Variants in ZNF761 observed in about 807,000 individuals in gnomAD.
The protein encoded by ZNF761 is zinc finger protein 761.
ZNF761 carries 43 observed loss-of-function variants against 59.9 expected under a neutral mutation model. The observed-to-expected ratio is 0.72, with a 90% CI of 0.56 to 0.92. The LOEUF (loss-of-function observed/expected upper bound fraction) is 0.92. Ranked by LOEUF, ZNF761 falls within the 40% of genes least tolerant of loss-of-function variation. The probability of loss-of-function intolerance (pLI) is 0.00; values close to 1 mark genes in which losing one functional copy is unlikely to be tolerated. For missense variants in ZNF761, 850 were observed against 906.1 expected, an observed-to-expected ratio of 0.94 and a Z score of 0.79; for synonymous variants, 294 against 304.8, an observed-to-expected ratio of 0.96 and a Z score of 0.37.
intron 1 of ZNF761, chr19:53,442,928 A>G (rs114187258): frequency 0.01 from 3,736 of 360,520 alleles, 102 homozygotes; most frequent in African/African-American, 0.069. Flanking sequence ...GTCACATCCT[A>G]TAATCAGCTC....
chr19:53,445,515 C>T (rs148249145), intron 1 of ZNF761, among the ~76,000 whole-genome samples: 2,915 of 152,094 alleles, frequency 0.019, 96 homozygotes, highest in East Asian at 0.14. Context: ...CAGTGAGCCT[C>T]CCTGCAACTT....
In ZNF761 at chr19:53,457,057, C is replaced by T; in HGVS notation, c.*309C>T. On this transcript the variant is annotated 3_prime_UTR_variant, in exon 5 of 5. Coordinates refer to ENST00000684525, the MANE Select transcript of ZNF761 (RefSeq NM_001289951.2). ...CTGGCACAACATGCTAGAATTCACA[C>T]TGGAGAGAAACCTTACCAGTGTAAT... is the stretch of plus-strand genomic sequence containing the variant. The T allele has an allele frequency of 1.6e-6, 1 of 631,154 alleles. No individual in the cohort carries two copies. The highest frequency in any genetic ancestry group is 2.8e-6 in the Non-Finnish European group (1 of 360,072). 39.1% of individuals were successfully genotyped at this position (631,154 alleles called of 1,614,324 possible).
chr19:53,443,765 A>G (rs970619362), intron 1 of ZNF761: 1 of 151,912 alleles, frequency 6.6e-6, no homozygotes, highest in African/African-American at 2.4e-5. Context: ...CATCCAAGCC[A>G]CAAGGGGTTT....
intron 4 of ZNF761, chr19:53,450,211 G>GCAAATCACCTGAGGTC (rs2086208362): frequency 5.4e-6 from 1 of 183,504 alleles, no homozygotes; most frequent in African/African-American, 2.4e-5. Context: ...GCTGAAGCAG[G>GCAAATCACCTGAGGTC]AGGATCACAT....
At chr19:53,452,806 A>G (rs1201351522) in intron 4 of ZNF761, among the ~76,000 whole-genome samples, 1 of 152,218 alleles carries the variant, frequency 6.6e-6, no homozygotes, top group Non-Finnish European at 1.5e-5. Flanking sequence ...ACGAGTAGTC[A>G]ACACCCGTGA....
At position 53,454,909 on chromosome 19, in the gene ZNF761, G is replaced by A; in HGVS notation, c.402G>A (p.Lys134=). 1 of 1,614,142 alleles carries A rather than the reference G, an allele frequency of 6.2e-7. No homozygotes were observed. Among genetic ancestry groups the A allele is most frequent in the Non-Finnish European group, 8.5e-7 (1 of 1,180,024 alleles). ...ERYDQSHARN[K]PIKDQLGSSF... ...ATGATCAAAGTCATGCTAGAAACAA[G>A]CCTATTAAAGATCAGCTTGGATCAA... Residue 134 remains lysine (K), a synonymous_variant, in exon 5 of 5, where the codon AAG becomes AAA. Transcript: ENST00000684525.
At chr19:53,450,826 A>G (rs1373269665) in intron 4 of ZNF761, among the ~76,000 whole-genome samples, 1 of 151,968 alleles carries the variant, frequency 6.6e-6, no homozygotes, top group African/African-American at 2.4e-5. Flanking sequence ...GCGAAACTCC[A>G]TCTCTACTAA....
intron 1 of ZNF761, among the ~76,000 whole-genome samples, chr19:53,440,239 A>G (rs112133115): frequency 0.014 from 2,122 of 152,224 alleles, 52 homozygotes; most frequent in African/African-American, 0.049. Context: ...CAAGGCAGGA[A>G]GATCACTTGA....
chr19:53,440,645 A>G (rs999052767), intron 1 of ZNF761, among the ~76,000 whole-genome samples: 2 of 151,858 alleles, frequency 1.3e-5, no homozygotes, highest in Non-Finnish European at 2.9e-5. Context: ...AAAAAAATCT[A>G]TTTCTGTTAT....
At chr19:53,436,826 A>G (rs1208595720) in intron 1 of ZNF761, among the ~76,000 whole-genome samples, 1 of 152,154 alleles carries the variant, frequency 6.6e-6, no homozygotes, top group East Asian at 1.9e-4. Context: ...AAAAGGTGCA[A>G]ATAAGCAATA....
intron 1 of ZNF761, among the ~76,000 whole-genome samples, chr19:53,435,289 C>CTT (rs368157010): frequency 0.029 from 1,533 of 53,626 alleles, 312 homozygotes; most frequent in Non-Finnish European, 0.041. Context: ...AATACAAGTC[C>CTT]TTTTTTTTTT....
chr19:53,432,680 C>G (rs2085985028), intron 1 of ZNF761, among the ~76,000 whole-genome samples: 1 of 151,952 alleles, frequency 6.6e-6, no homozygotes, highest in East Asian at 1.9e-4. Flanking sequence ...GATCAGGAGA[C>G]GGACAGAGAG....
chr19:53,448,348 T>A (rs2086182791), intron 3 of ZNF761, among the ~76,000 whole-genome samples: 2 of 152,146 alleles, frequency 1.3e-5, no homozygotes, highest in South Asian at 4.1e-4. Flanking sequence ...AACCATCACA[T>A]GATGTATCCA....
chr19:53,434,088 T>C (rs2086008696), intron 1 of ZNF761, among the ~76,000 whole-genome samples: 1 of 152,148 alleles, frequency 6.6e-6, no homozygotes, highest in African/African-American at 2.4e-5. Flanking sequence ...CTAATGCATT[T>C]GCTGTTTCAT....
intron 1 of ZNF761, among the ~76,000 whole-genome samples, 182 bp from the exon 2 acceptor site, chr19:53,446,045 A>G (rs1341504619): frequency 2.0e-5 from 3 of 151,978 alleles, no homozygotes; most frequent in Admixed American, 6.5e-5. Flanking sequence ...CTCTTACCCT[A>G]TGTCCCTAAA....
intron 3 of ZNF761, among the ~76,000 whole-genome samples, chr19:53,448,050 G>A (rs959765282): frequency 1.3e-5 from 2 of 152,162 alleles, no homozygotes; most frequent in Non-Finnish European, 1.5e-5. Context: ...CACCCAGGCT[G>A]AAGTGCAGTG....
chr19:53,442,008 T>A, intron 1 of ZNF761: 1 of 1,115,826 alleles, frequency 9.0e-7, no homozygotes, highest in Non-Finnish European at 1.3e-6. Context: ...GAGGCTGAAG[T>A]GGCCTCCGTG....
intron 4 of ZNF761, among the ~76,000 whole-genome samples, chr19:53,451,314 A>G (rs1007563578): frequency 5.9e-5 from 9 of 152,188 alleles, no homozygotes; most frequent in Non-Finnish European, 1.0e-4. Context: ...AGGTTCAAGC[A>G]ATTCTCCTGC....
intron 1 of ZNF761, chr19:53,441,955 C>T: frequency 6.8e-7 from 1 of 1,460,728 alleles, no homozygotes; most frequent in Non-Finnish European, 9.4e-7. Flanking sequence ...CTGAGCACCT[C>T]CAGTGAGAAG....
Sources: gnomAD v4.1 joint callset for allele counts (sites outside exome capture counted in the v4.1 genomes callset) on GRCh38, gnomAD v4.1.1 for gene constraint, MANE v1.5 for transcripts, NCBI Gene and HGNC (gene_info 2026-07-23, HGNC 2026-07-21) for gene names.